The following STK35 variants were observed in gnomAD, a reference collection of about 807,000 sequenced individuals.
STK35 encodes serine/threonine-protein kinase 35.
A neutral mutation model predicts 37.3 loss-of-function variants in STK35; 17 were observed. The ratio of observed to expected loss-of-function variants is 0.46; its 90% CI spans 0.31 to 0.68. The LOEUF (loss-of-function observed/expected upper bound fraction) is 0.68. Ranked by LOEUF, STK35 falls within the 30% of genes least tolerant of loss-of-function variation. The pLI is 0.05. For synonymous variants in STK35, 385 were observed against 319.1 expected (o/e 1.21, Z -2.20); for missense variants, 595 against 746.7 (o/e 0.80, Z 2.37).
intron 2 of STK35, among the ~76,000 whole-genome samples, chr20:2,114,715 G>A (rs1445819106): frequency 2.6e-5 from 4 of 152,082 alleles, no homozygotes; most frequent in African/African-American, 9.7e-5. Context: ...TCATAACCTG[G>A]ACTTAGATTA....
intron 2 of STK35, among the ~76,000 whole-genome samples, chr20:2,114,146 A>C (rs1345287044): frequency 6.6e-6 from 1 of 151,968 alleles, no homozygotes; most frequent in African/African-American, 2.4e-5. Context: ...GGAGTAAAGG[A>C]CTAGAATTCT....
intron 3 of STK35, among the ~76,000 whole-genome samples, chr20:2,130,396 T>C (rs1018424385): frequency 3.9e-5 from 6 of 152,170 alleles, no homozygotes; most frequent in Non-Finnish European, 8.8e-5. Context: ...CATTAGGTTA[T>C]GATGTGTTGC....
Position 2,101,915 on chromosome 20 carries a change from C to A in STK35, c.34C>A (p.Pro12Thr). Reference protein sequence around the residue: ...GHQESPLARAPAGGAAYVKRL... With the variant: ...GHQESPLARATAGGAAYVKRL... Reference sequence around the variant, plus strand: ...CCAGGAGTCTCCGCTGGCCCGGGCGCCGGCGGGAGGTGCAGCTTATGTAAA... The same window carrying A: ...CCAGGAGTCTCCGCTGGCCCGGGCGACGGCGGGAGGTGCAGCTTATGTAAA... Residue 12 changes from proline to threonine, a missense_variant, in exon 1 of 4, where the codon CCG becomes ACG. This residue lies in a region of STK35 where 389 missense variants were observed against 320.0 expected (regional missense o/e 1.22). Transcript: ENST00000381482. 1 of 1,464,326 alleles carries A rather than the reference C, an allele frequency of 6.8e-7. No individual in the cohort carries two copies. Among genetic ancestry groups the A allele is most frequent in the Non-Finnish European group, 9.1e-7 (1 of 1,104,072 alleles). The allele number at this position is 1,464,326 out of a possible 1,614,324, so 90.7% of individuals were successfully genotyped here.
At chr20:2,124,749 C>A (rs1018339604) in intron 3 of STK35, among the ~76,000 whole-genome samples, 3 of 152,178 alleles carry the variant, frequency 2.0e-5, no homozygotes, top group African/African-American at 7.2e-5. Flanking sequence ...ACTGTGAAGA[C>A]CCTAGTGGCG....
At chr20:2,125,569 C>T (rs1985890481) in intron 3 of STK35, among the ~76,000 whole-genome samples, 1 of 152,228 alleles carries the variant, frequency 6.6e-6, no homozygotes, top group African/African-American at 2.4e-5. Flanking sequence ...GGGTTCCCCT[C>T]CAGTAGTACC....
chr20:2,123,605 T>TA (rs1985855028), intron 3 of STK35, among the ~76,000 whole-genome samples: 1 of 152,212 alleles, frequency 6.6e-6, no homozygotes, highest in Non-Finnish European at 1.5e-5. Flanking sequence ...ACTGTGTTGT[T>TA]ACGCACGCTA....
intron 3 of STK35, among the ~76,000 whole-genome samples, chr20:2,131,712 C>T (rs1986003122): frequency 6.6e-6 from 1 of 152,220 alleles, no homozygotes; most frequent in African/African-American, 2.4e-5. Flanking sequence ...GATTCATTAA[C>T]ATTTAGCGTA....
In STK35 at chr20:2,103,381, G is replaced by A. The variant is rs776468567; in HGVS notation, c.892+16G>A. Reference sequence around the variant, plus strand: ...TCGCTGAAAGGTAGGAGCACCGCGGGCCTTTCCACCCACGCAGGGCCTGGA... The same window carrying A: ...TCGCTGAAAGGTAGGAGCACCGCGGACCTTTCCACCCACGCAGGGCCTGGA... On this transcript the variant is annotated intron_variant, in intron 2 of 3. Coordinates refer to ENST00000381482, the MANE Select transcript of STK35 (RefSeq NM_080836.4). The A allele has an allele frequency of 3.7e-6, 6 of 1,602,572 alleles. No homozygotes were observed. The highest frequency in any genetic ancestry group is 5.1e-6 in the Non-Finnish European group (6 of 1,173,372).
At chr20:2,136,276 C>T (rs1476594960) in intron 3 of STK35, among the ~76,000 whole-genome samples, 1 of 152,194 alleles carries the variant, frequency 6.6e-6, no homozygotes, top group Non-Finnish European at 1.5e-5. Flanking sequence ...GAAATCGAGA[C>T]AGGAGCCCCC....
intron 2 of STK35, among the ~76,000 whole-genome samples, chr20:2,112,300 C>G (rs913852739): frequency 6.6e-6 from 1 of 152,190 alleles, no homozygotes; most frequent in Non-Finnish European, 1.5e-5. Flanking sequence ...AACTTAAGCA[C>G]TACTGATGAA....
intron 3 of STK35, among the ~76,000 whole-genome samples, chr20:2,129,276 C>G (rs1228410469): frequency 6.6e-6 from 1 of 152,192 alleles, no homozygotes; most frequent in African/African-American, 2.4e-5. Flanking sequence ...GGGCATCTCT[C>G]TGAGCCTCCG....
At chr20:2,105,453 G>A (rs1246031979) in intron 2 of STK35, among the ~76,000 whole-genome samples, 1 of 152,176 alleles carries the variant, frequency 6.6e-6, no homozygotes, top group Non-Finnish European at 1.5e-5. Flanking sequence ...TTCCTCACCT[G>A]AAGAATTTGT....
In STK35 at chr20:2,102,148, C is replaced by A; in HGVS notation, c.267C>A (p.Ala89=). The change falls in exon 1 of 4, where the codon GCC becomes GCA. Residue 89 remains alanine, a synonymous_variant. Coordinates refer to ENST00000381482, the MANE Select transcript of STK35 (RefSeq NM_080836.4). ...CAGGGGCTCCAGGGGGGAAACGGGC[C>A]GCCCGGAAGTGGAGGTGCGCGGGCC... ...PQAGAPGGKR[A]ARKWRCAGQV... 2 of 1,385,898 alleles carry A rather than the reference C, an allele frequency of 1.4e-6. No individual in the cohort carries two copies. Among genetic ancestry groups the A allele is most frequent in the South Asian group, 3.0e-5 (2 of 65,772 alleles). 85.9% of individuals were successfully genotyped at this position (1,385,898 alleles called of 1,614,324 possible).
intron 3 of STK35, among the ~76,000 whole-genome samples, chr20:2,128,952 G>A (rs1404508142): frequency 6.6e-6 from 1 of 152,058 alleles, no homozygotes. Flanking sequence ...AGCCTCCCGA[G>A]TAGCTGGGAT....
chr20:2,135,406 C>G (rs1264098864), intron 3 of STK35, among the ~76,000 whole-genome samples: 3 of 152,208 alleles, frequency 2.0e-5, no homozygotes, highest in African/African-American at 7.2e-5. Context: ...TTCAACAATC[C>G]ATGTGTTTTG....
rs1446585018 is a variant in STK35, at chr20:2,116,650, G to C, written c.893-16G>C. 2 of 1,604,284 alleles carry C rather than the reference G, an allele frequency of 1.2e-6. No homozygotes were observed. The highest frequency in any genetic ancestry group is 2.7e-5 in the African/African-American group (2 of 74,528). On this transcript the variant is annotated splice_polypyrimidine_tract_variant and intron_variant, in intron 2 of 3. Coordinates refer to ENST00000381482, the MANE Select transcript of STK35 (RefSeq NM_080836.4). Reference sequence around the variant, plus strand: ...GTCCATCTCACTCAAGCTCCTTCCTGTCTTCTTTGATTTAGGAGAAAGGAT... The same window carrying C: ...GTCCATCTCACTCAAGCTCCTTCCTCTCTTCTTTGATTTAGGAGAAAGGAT...
At chr20:2,132,763 G>T (rs1216752605) in intron 3 of STK35, among the ~76,000 whole-genome samples, 6 of 152,246 alleles carry the variant, frequency 3.9e-5, no homozygotes, top group South Asian at 2.1e-4. Context: ...CAGACTTGCT[G>T]TTGAACCTGT....
intron 3 of STK35, among the ~76,000 whole-genome samples, chr20:2,138,978 G>A (rs1986131029): frequency 6.6e-6 from 1 of 152,200 alleles, no homozygotes; most frequent in South Asian, 2.1e-4. Flanking sequence ...GTGAGCTATG[G>A]TTGTGCCACT....
chr20:2,122,061 G>T (rs573376564), intron 3 of STK35, among the ~76,000 whole-genome samples: 2 of 152,330 alleles, frequency 1.3e-5, no homozygotes, highest in East Asian at 3.9e-4. Context: ...GCTGGGCGTG[G>T]TAGCTCATGC....
Sources: gnomAD v4.1 joint callset for allele counts (sites outside exome capture counted in the v4.1 genomes callset) on GRCh38, gnomAD v4.1.1 for gene constraint, gnomAD v4.1.1 regional missense constraint, MANE v1.5 for transcripts, NCBI Gene and HGNC (gene_info 2026-07-23, HGNC 2026-07-21) for gene names.